MAGI2: variants seen among roughly 807,000 people sequenced by gnomAD.
The protein encoded by MAGI2 is membrane associated guanylate kinase, WW and PDZ domain containing 2, also known as membrane-associated guanylate kinase, WW and PDZ domain-containing protein 2.
In MAGI2, 35 loss-of-function variants were observed where a neutral mutation model predicts 133.3. The observed-to-expected ratio is 0.26, with a 90% confidence interval of 0.20 to 0.35. The LOEUF (loss-of-function observed/expected upper bound fraction) is 0.35, where lower values mean the gene tolerates loss of function less well. MAGI2 is among the 10% of genes least tolerant of loss of function. MAGI2 has a pLI of 1.00. For missense variants in MAGI2, 1,636 were observed against 1,863.4 expected, an observed-to-expected ratio of 0.88 and a Z score of 2.25; for synonymous variants, 729 against 710.6, an observed-to-expected ratio of 1.03 and a Z score of -0.41.
At chr7:78,860,434 C>A (rs1794059655) in intron 2 of MAGI2, among the ~76,000 whole-genome samples, 1 of 152,114 alleles carries the variant, frequency 6.6e-6, no homozygotes, top group Non-Finnish European at 1.5e-5. Flanking sequence ...GTGTGGATGT[C>A]CTTTCTGTTT....
chr7:78,725,639 G>C (rs941553006), intron 2 of MAGI2, among the ~76,000 whole-genome samples: 10 of 152,244 alleles, frequency 6.6e-5, no homozygotes, highest in African/African-American at 2.2e-4. Context: ...TCTATTAAAA[G>C]ATAGAAAAAA....
intron 2 of MAGI2, among the ~76,000 whole-genome samples, chr7:78,873,180 T>C (rs1584236998): frequency 3.3e-5 from 5 of 152,282 alleles, no homozygotes; most frequent in Admixed American, 3.3e-4. Context: ...TAAATAAGTA[T>C]TTTTTATGTG....
intron 2 of MAGI2, among the ~76,000 whole-genome samples, chr7:78,749,246 AGT>A (rs757088180): frequency 9.9e-5 from 15 of 152,178 alleles, no homozygotes; most frequent in Non-Finnish European, 1.6e-4. Context: ...ACATACATGG[AGT>A]TCAGGGAAGG....
intron 2 of MAGI2, among the ~76,000 whole-genome samples, chr7:78,919,278 T>C (rs1371183684): frequency 2.0e-5 from 3 of 152,124 alleles, no homozygotes; most frequent in Non-Finnish European, 4.4e-5. Context: ...TCTTTAAGCA[T>C]GTAGAAGAGT....
At chr7:78,057,999 A>ATGTGTGTGTGTGTGTGTGTGTGTGTG (rs762405456) in intron 21 of MAGI2, among the ~76,000 whole-genome samples, 30,912 of 108,532 alleles carry the variant, frequency 0.28, 5,906 homozygotes, top group East Asian at 0.44. Flanking sequence ...ATATATATAT[A>ATGTGTGTGTGTGTGTGTGTGTGTGTG]TATATGTATG....
At chr7:79,348,345 G>T (rs1841463323) in intron 1 of MAGI2, among the ~76,000 whole-genome samples, 1 of 151,848 alleles carries the variant, frequency 6.6e-6, no homozygotes, top group Non-Finnish European at 1.5e-5. Context: ...AATGTAATCA[G>T]AGTATGGTAG....
intron 2 of MAGI2, among the ~76,000 whole-genome samples, chr7:78,923,221 G>T (rs1028171274): frequency 9.2e-5 from 14 of 152,176 alleles, no homozygotes; most frequent in Admixed American, 5.2e-4. Flanking sequence ...GTCAATTTTG[G>T]CTTTTGTTGC....
chr7:78,145,776 A>T (rs183710891), intron 16 of MAGI2, among the ~76,000 whole-genome samples: 23,878 of 152,090 alleles, frequency 0.16, 2,352 homozygotes, highest in Non-Finnish European at 0.22. Flanking sequence ...AAAGTGGACT[A>T]AGATGGCTAC....
intron 1 of MAGI2, among the ~76,000 whole-genome samples, chr7:79,291,160 G>A (rs1470136711): frequency 2.6e-5 from 4 of 151,970 alleles, no homozygotes; most frequent in African/African-American, 9.7e-5. Flanking sequence ...CATATAAATT[G>A]AATCAACAAT....
intron 1 of MAGI2, among the ~76,000 whole-genome samples, chr7:79,120,065 T>C (rs970722381): frequency 1.7e-4 from 26 of 152,214 alleles, no homozygotes; most frequent in Non-Finnish European, 2.8e-4. Context: ...GATCTTACAT[T>C]ATCTGTGCTA....
chr7:79,092,716 A>G (rs1054501970), intron 1 of MAGI2, among the ~76,000 whole-genome samples: 3 of 152,170 alleles, frequency 2.0e-5, no homozygotes, highest in African/African-American at 4.8e-5. Flanking sequence ...TTGGCTTTGT[A>G]TACAAATTCT....
intron 1 of MAGI2, among the ~76,000 whole-genome samples, chr7:79,189,105 C>T (rs28534516): frequency 0.057 from 8,576 of 151,688 alleles, 908 homozygotes; most frequent in African/African-American, 0.2. Flanking sequence ...ATTTATCTAT[C>T]TCCTTGATAT....
At chr7:79,208,869 G>T (rs1377271854) in intron 1 of MAGI2, among the ~76,000 whole-genome samples, 1 of 151,926 alleles carries the variant, frequency 6.6e-6, no homozygotes, top group Non-Finnish European at 1.5e-5. Context: ...ATGAAATCCT[G>T]TCATTCGTGA....
intron 3 of MAGI2, among the ~76,000 whole-genome samples, chr7:78,525,820 A>G (rs1349894290): frequency 6.6e-6 from 1 of 152,194 alleles, no homozygotes; most frequent in Non-Finnish European, 1.5e-5. Flanking sequence ...TGTTATTACC[A>G]CTATGACTGC....
chr7:79,295,825 T>G (rs1027190671), intron 1 of MAGI2, among the ~76,000 whole-genome samples: 1 of 152,070 alleles, frequency 6.6e-6, no homozygotes, highest in Non-Finnish European at 1.5e-5. Flanking sequence ...ATTAGATATA[T>G]CATAATTTTA....
At chr7:78,580,527 T>C (rs926813488) in intron 3 of MAGI2, among the ~76,000 whole-genome samples, 16 of 152,310 alleles carry the variant, frequency 1.1e-4, no homozygotes, top group African/African-American at 3.1e-4. Context: ...CTCATCCCAA[T>C]TGGGGCACAG....
chr7:78,795,367 A>G lies in MAGI2; in HGVS notation c.419-168128T>C, dbSNP rs550506917. Among the ~76,000 whole-genome samples the G allele has an allele frequency of 2.5e-3, 384 of 152,104 alleles. 1 individual carries two copies. Among genetic ancestry groups the G allele is most frequent in the Non-Finnish European group, 4.5e-3 (308 of 67,968 alleles). On this transcript the variant is annotated intron_variant, in intron 2 of 21. Coordinates refer to ENST00000354212, the MANE Select transcript of MAGI2 (RefSeq NM_012301.4). Reference sequence around the variant, plus strand: ...AAGATAAGTTTAGTAAAGTTACAGGATATAAAATCAACATACGAGAACCAG... The same window carrying G: ...AAGATAAGTTTAGTAAAGTTACAGGGTATAAAATCAACATACGAGAACCAG...
intron 6 of MAGI2, among the ~76,000 whole-genome samples, chr7:78,441,043 T>G (rs937805477): frequency 1.3e-5 from 2 of 152,136 alleles, no homozygotes; most frequent in Non-Finnish European, 2.9e-5. Context: ...GAGGGAGATA[T>G]TTAGGTTGGA....
intron 9 of MAGI2, among the ~76,000 whole-genome samples, chr7:78,297,994 AAG>A (rs1554333145): frequency 1.3e-4 from 20 of 151,682 alleles, no homozygotes; most frequent in African/African-American, 4.9e-4. Flanking sequence ...ATTAAAAAAA[AAG>A]AATTGTCTGG....
Sources: gnomAD v4.1 joint callset for allele counts (sites outside exome capture counted in the v4.1 genomes callset) on GRCh38, gnomAD v4.1.1 for gene constraint, MANE v1.5 for transcripts, NCBI Gene and HGNC (gene_info 2026-07-23, HGNC 2026-07-21) for gene names.